AP2M1: variants seen among roughly 807,000 people sequenced by gnomAD.
AP2M1 encodes AP-2 complex subunit mu.
Under a neutral mutation model 54.5 loss-of-function variants are expected in AP2M1, and 5 were observed. The ratio of observed to expected loss-of-function variants is 0.09; its 90% CI spans 0.05 to 0.19. AP2M1 has a LOEUF of 0.19. Ranked by LOEUF, AP2M1 falls within the 10% of genes least tolerant of loss-of-function variation. AP2M1 has a pLI of 1.00. For synonymous variants in AP2M1, 186 were observed against 208.2 expected, an observed-to-expected ratio of 0.89 and a Z score of 0.92; for missense variants, 178 against 580.2, an observed-to-expected ratio of 0.31 and a Z score of 7.12.
Position 184,174,896 on chromosome 3 carries a change from C to T in AP2M1, c.-107C>T, listed in dbSNP as rs370548217. The T allele has an allele frequency of 3.8e-5, 15 of 398,304 alleles. No individual in the cohort carries two copies. The highest frequency in any genetic ancestry group is 4.9e-5 in the Non-Finnish European group (11 of 225,938). The allele number at this position is 398,304 out of a possible 1,614,324, so 24.7% of individuals were successfully genotyped here. A position where few individuals can be genotyped will look rare whatever the true frequency, so the allele number is the denominator to read the frequency against. On this transcript the variant is annotated 5_prime_UTR_variant, in exon 1 of 12. Transcript: ENST00000292807. ...AGGCAGCGGGCAGACGAGCAGGGGG[C>T]GGGCGGACATCTTGGGATCCGGAGA...
rs866436475 is a variant in AP2M1, at chr3:184,181,565, C to T, written c.708-131C>T. On this transcript the variant is annotated intron_variant, in intron 7 of 11. Coordinates refer to ENST00000292807, the MANE Select transcript of AP2M1 (RefSeq NM_004068.4). This position sits in a 1 kb window ranked among gnomAD's most constrained non-coding sequence, Gnocchi z 5.7. ...CTCTCATCCCAAGCTCTGGGGCAGACCTCCGAGTCACAAAGCTGCATTCTA... is the reference window on the plus strand; with the variant it reads ...CTCTCATCCCAAGCTCTGGGGCAGATCTCCGAGTCACAAAGCTGCATTCTA... 2 of 1,295,028 alleles carry T rather than the reference C, an allele frequency of 1.5e-6. No individual in the cohort carries two copies. Among genetic ancestry groups the T allele is most frequent in the Non-Finnish European group, 2.1e-6 (2 of 931,376 alleles). 80.2% of individuals were successfully genotyped at this position (1,295,028 alleles called of 1,614,324 possible). A position where few individuals can be genotyped will look rare whatever the true frequency, so the allele number is the denominator to read the frequency against.
In AP2M1 at chr3:184,181,305, C is replaced by T. The variant is rs1715266333; in HGVS notation, c.707+79C>T. 6.3e-7 allele frequency: 1 copy of T among 1,584,528 alleles called. No homozygotes were observed. Among genetic ancestry groups the T allele is most frequent in the Non-Finnish European group, 8.6e-7 (1 of 1,162,012 alleles). The stretch of plus-strand genomic sequence containing the variant: ...GGGTCTAGTGAACCACAAGTTTCTT[C>T]TGGATTTCATTCCCACTGTAATTGC... On this transcript the variant is annotated intron_variant, in intron 7 of 11. Coordinates refer to ENST00000292807, the MANE Select transcript of AP2M1 (RefSeq NM_004068.4). This position sits in a 1 kb window ranked among gnomAD's most constrained non-coding sequence, Gnocchi z 5.7.
In AP2M1 at chr3:184,180,598, T is replaced by C; in HGVS notation, c.424-47T>C. Reference sequence around the variant, plus strand: ...CATAGCTTTCTCCTCCTTTTCTGCCTCCCTTGCTGCTTCATGTGGGCACCT... The same window carrying C: ...CATAGCTTTCTCCTCCTTTTCTGCCCCCCTTGCTGCTTCATGTGGGCACCT... On this transcript the variant is annotated intron_variant, in intron 4 of 11. Coordinates refer to ENST00000292807, the MANE Select transcript of AP2M1 (RefSeq NM_004068.4). The surrounding 1 kb of genome is among the most constrained non-coding windows in gnomAD (Gnocchi z 4.9). 1 of 1,613,088 alleles carries C rather than the reference T, an allele frequency of 6.2e-7. No homozygotes were observed. The highest frequency in any genetic ancestry group is 8.5e-7 in the Non-Finnish European group (1 of 1,180,012).
intron 2 of AP2M1, chr3:184,177,700 C>A: frequency 8.3e-7 from 1 of 1,208,830 alleles, no homozygotes; most frequent in Non-Finnish European, 1.2e-6. Context: ...CCTGGGCCTT[C>A]ACACAGAGCC....
chr3:184,177,043 C>T lies in AP2M1; in HGVS notation c.50C>T (p.Ser17Phe), dbSNP rs2109028353. The change falls in exon 2 of 12, where the codon TCC becomes TTC. Residue 17 changes from serine (S) to phenylalanine (F), a missense_variant. Transcript: ENST00000292807. Reference protein sequence around the residue: ...IYNHKGEVLISRVYRDDIGRN... With the variant: ...IYNHKGEVLIFRVYRDDIGRN... ...AATCACAAGGGGGAGGTGCTCATCT[C>T]CCGAGTCTACCGAGATGACATCGGG... 1 of 1,613,838 alleles carries T rather than the reference C, an allele frequency of 6.2e-7. No homozygotes were observed. Among genetic ancestry groups the T allele is most frequent in the Non-Finnish European group, 8.5e-7 (1 of 1,179,916 alleles).
intron 2 of AP2M1, chr3:184,177,549 T>A: frequency 6.5e-7 from 1 of 1,535,870 alleles, no homozygotes; most frequent in Non-Finnish European, 8.7e-7. Flanking sequence ...TCAGGAGTCG[T>A]CAGGCTGCTG....
Position 184,178,020 on chromosome 3 carries a change from C to T in AP2M1, c.75-837C>T, listed in dbSNP as rs933986478. ...AACCTGGCTGGCTACACCCCCCACC[C>T]CAGACCCCCTCCTGCCTTGGATGGA... On this transcript the variant is annotated intron_variant, in intron 2 of 11. Coordinates refer to ENST00000292807, the MANE Select transcript of AP2M1 (RefSeq NM_004068.4). The surrounding 1 kb of genome is among the most constrained non-coding windows in gnomAD (Gnocchi z 4.9). Among the ~76,000 whole-genome samples, 38 of 152,298 alleles carry T rather than the reference C, an allele frequency of 2.5e-4. 1 individual carries two copies. Among genetic ancestry groups the T allele is most frequent in the Admixed American group, 1.4e-3 (22 of 15,300 alleles).
chr3:184,182,328 A>G lies in AP2M1; in HGVS notation c.1061+80A>G. ...TTGTTTTCAGCTTTGATCCTTCTGA[A>G]TGAGGGGCAGGGGAGTGTGCCTGTT... On this transcript the variant is annotated intron_variant, in intron 10 of 11. Transcript: ENST00000292807. This position sits in a 1 kb window ranked among gnomAD's most constrained non-coding sequence, Gnocchi z 5.5. 6.8e-7 allele frequency: 1 copy of G among 1,464,876 alleles called. No homozygotes were observed. Among genetic ancestry groups the G allele is most frequent in the East Asian group, 2.4e-5 (1 of 41,442 alleles). The allele number at this position is 1,464,876 out of a possible 1,614,324, so 90.7% of individuals were successfully genotyped here.
chr3:184,178,146 C>G lies in AP2M1; in HGVS notation c.75-711C>G. On this transcript the variant is annotated intron_variant, in intron 2 of 11. Coordinates refer to ENST00000292807, the MANE Select transcript of AP2M1 (RefSeq NM_004068.4). This position sits in a 1 kb window ranked among gnomAD's most constrained non-coding sequence, Gnocchi z 4.9. ...CCCGGTGTGTTGTGTGTCTAACCCT[C>G]TCTCTCGTTGCTATCACTCTCCTCT... The G allele has an allele frequency of 6.7e-7, 1 of 1,489,288 alleles. No individual in the cohort carries two copies. The allele number at this position is 1,489,288 out of a possible 1,614,324, so 92.3% of individuals were successfully genotyped here.
rs1399451251 is a variant in AP2M1, at chr3:184,180,058, G to A, written c.341-111G>A. On this transcript the variant is annotated intron_variant, in intron 3 of 11. Transcript: ENST00000292807. The surrounding 1 kb of genome is among the most constrained non-coding windows in gnomAD (Gnocchi z 4.9). The stretch of plus-strand genomic sequence containing the variant: ...CTACAAAGCTAGAAGACTTTCTTGC[G>A]GATGATCCCACATGGGCTTTGGGAG... 26 of 907,136 alleles carry A rather than the reference G, an allele frequency of 2.9e-5. No homozygotes were observed. Among genetic ancestry groups the A allele is most frequent in the East Asian group, 1.0e-4 (4 of 39,710 alleles). 56.2% of individuals were successfully genotyped at this position (907,136 alleles called of 1,614,324 possible).
At position 184,178,119 on chromosome 3, in the gene AP2M1, C is replaced by A; in HGVS notation, c.75-738C>A. 7.1e-7 allele frequency: 1 copy of A among 1,406,266 alleles called. No homozygotes were observed. The highest frequency in any genetic ancestry group is 9.7e-7 in the Non-Finnish European group (1 of 1,028,578). The allele number at this position is 1,406,266 out of a possible 1,614,324, so 87.1% of individuals were successfully genotyped here. On this transcript the variant is annotated intron_variant, in intron 2 of 11. Transcript: ENST00000292807. The surrounding 1 kb of genome is among the most constrained non-coding windows in gnomAD (Gnocchi z 4.9). ...CTTCTGCCTCACGGTGTGTGCCGCC[C>A]TCCCGGTGTGTTGTGTGTCTAACCC...
rs1715169738 is a variant in AP2M1, at chr3:184,178,740, G to A, written c.75-117G>A. On this transcript the variant is annotated intron_variant, in intron 2 of 11. Transcript: ENST00000292807. This position sits in a 1 kb window ranked among gnomAD's most constrained non-coding sequence, Gnocchi z 4.9. ...GGTTTAGGCATTGGCTTTCTTTGGA[G>A]TGTGTGTGTCAGACTTCTGCAGAAA... 6 of 1,300,070 alleles carry A rather than the reference G, an allele frequency of 4.6e-6. No homozygotes were observed. The highest frequency in any genetic ancestry group is 5.3e-6 in the Non-Finnish European group (5 of 943,454). 80.5% of individuals were successfully genotyped at this position (1,300,070 alleles called of 1,614,324 possible).
Position 184,180,433 on chromosome 3 carries a change from C to T in AP2M1, c.423+182C>T. On this transcript the variant is annotated intron_variant, in intron 4 of 11. Coordinates refer to ENST00000292807, the MANE Select transcript of AP2M1 (RefSeq NM_004068.4). The surrounding 1 kb of genome is among the most constrained non-coding windows in gnomAD (Gnocchi z 4.9). ...GTGGTCCTCCCACTGCAGGAGCAGC[C>T]AATTCAGCATCTCTATTACCAGGAA... 1 of 1,026,674 alleles carries T rather than the reference C, an allele frequency of 9.7e-7. No individual in the cohort carries two copies. 63.6% of individuals were successfully genotyped at this position (1,026,674 alleles called of 1,614,324 possible).
At chr3:184,176,092 T>C (rs914057627) in intron 1 of AP2M1, among the ~76,000 whole-genome samples, 1 of 152,222 alleles carries the variant, frequency 6.6e-6, no homozygotes, top group Admixed American at 6.5e-5. Flanking sequence ...TTCTTGCTTA[T>C]AGGCACCCAG....
At position 184,178,553 on chromosome 3, in the gene AP2M1, G is replaced by A. The variant is rs955413683; in HGVS notation, c.75-304G>A. On this transcript the variant is annotated intron_variant, in intron 2 of 11. Coordinates refer to ENST00000292807, the MANE Select transcript of AP2M1 (RefSeq NM_004068.4). The surrounding 1 kb of genome is among the most constrained non-coding windows in gnomAD (Gnocchi z 4.9). ...TGGGAAATTAGGGCCAGCCCTGGGA[G>A]TAAGGAATATCTGTCTCTAAACCTG... Among the ~76,000 whole-genome samples the A allele has an allele frequency of 6.6e-6, 1 of 152,254 alleles. No homozygotes were observed. Among genetic ancestry groups the A allele is most frequent in the Admixed American group, 6.5e-5 (1 of 15,290 alleles).
chr3:184,179,638 G>A (rs376068685), intron 3 of AP2M1, among the ~76,000 whole-genome samples: 68 of 151,166 alleles, frequency 4.5e-4, no homozygotes, highest in Middle Eastern at 7.0e-3. Flanking sequence ...CACTGGCCAT[G>A]TGACTCTTCT....
In AP2M1 at chr3:184,180,624, C is replaced by G; in HGVS notation, c.424-21C>G. ...CCCTTGCTGCTTCATGTGGGCACCT[C>G]GTTGGCCCTGCGGCCTCCAGCATCA... On this transcript the variant is annotated intron_variant, in intron 4 of 11. Transcript: ENST00000292807. This position sits in a 1 kb window ranked among gnomAD's most constrained non-coding sequence, Gnocchi z 4.9. The G allele has an allele frequency of 6.2e-7, 1 of 1,613,916 alleles. No individual in the cohort carries two copies. Among genetic ancestry groups the G allele is most frequent in the Non-Finnish European group, 8.5e-7 (1 of 1,180,050 alleles).
Position 184,181,951 on chromosome 3 carries a change from G to C in AP2M1, c.867G>C (p.Val289=). 3 of 1,614,200 alleles carry C rather than the reference G, an allele frequency of 1.9e-6. No homozygotes were observed. Among genetic ancestry groups the C allele is most frequent in the Middle Eastern group, 1.7e-4 (1 of 6,060 alleles). Residue 289 remains valine (V), a synonymous_variant, in exon 9 of 12, where the codon GTG becomes GTC. Coordinates refer to ENST00000292807, the MANE Select transcript of AP2M1 (RefSeq NM_004068.4). This position sits in a 1 kb window ranked among gnomAD's most constrained non-coding sequence, Gnocchi z 5.7. ...TTKDIILPFR[V]IPLVREVGRT... is the part of the protein sequence containing the mutation. Reference sequence around the variant, plus strand: ...AGGACATCATCCTTCCCTTCCGGGTGATCCCGCTAGTGCGAGAAGTGGGAC... The same window carrying C: ...AGGACATCATCCTTCCCTTCCGGGTCATCCCGCTAGTGCGAGAAGTGGGAC...
chr3:184,180,968 G>T lies in AP2M1; in HGVS notation c.549G>T (p.Leu183=). The change falls in exon 6 of 12, where the codon CTG becomes CTT. Residue 183 remains leucine, a synonymous_variant. Coordinates refer to ENST00000292807, the MANE Select transcript of AP2M1 (RefSeq NM_004068.4). This position sits in a 1 kb window ranked among gnomAD's most constrained non-coding sequence, Gnocchi z 4.9. ...LFLDVLESVN[L]LMSPQGQVLS... is the part of the protein sequence containing the mutation. The stretch of plus-strand genomic sequence containing the variant: ...TGGATGTGCTGGAGAGTGTGAACCT[G>T]CTCATGTCCCCACAAGGTGAGGTCC... 6.2e-7 allele frequency: 1 copy of T among 1,614,170 alleles called. No individual in the cohort carries two copies. The highest frequency in any genetic ancestry group is 8.5e-7 in the Non-Finnish European group (1 of 1,180,032).
Sources: gnomAD v4.1 joint callset for allele counts (sites outside exome capture counted in the v4.1 genomes callset) on GRCh38, gnomAD v4.1.1 for gene constraint, Gnocchi (gnomAD v3.1) non-coding constraint, MANE v1.5 for transcripts, NCBI Gene and HGNC (gene_info 2026-07-23, HGNC 2026-07-21) for gene names.